KCTD8: variants seen among roughly 807,000 people sequenced by gnomAD.
The protein encoded by KCTD8 is BTB/POZ domain-containing protein KCTD8.
In KCTD8, 27 loss-of-function variants were observed where a neutral mutation model predicts 31.5. The observed-to-expected ratio is 0.86, with a 90% CI of 0.63 to 1.18. The LOEUF is 1.18. Among genes scored for constraint, KCTD8 ranks in the 50% most tolerant of loss-of-function variants. The pLI, the probability that KCTD8 is intolerant of heterozygous loss-of-function variation, is 0.00. For synonymous variants in KCTD8, 290 were observed against 280.0 expected, an observed-to-expected ratio of 1.04 and a Z score of -0.36; for missense variants, 658 against 647.7, an observed-to-expected ratio of 1.02 and a Z score of -0.17.
intron 1 of KCTD8, among the ~76,000 whole-genome samples, chr4:44,288,556 T>C (rs934444112): frequency 4.6e-5 from 7 of 152,084 alleles, no homozygotes; most frequent in African/African-American, 1.7e-4. Flanking sequence ...AGTAGATACT[T>C]TGCATAGTTG....
At chr4:44,337,629 G>T (rs894837841) in intron 1 of KCTD8, among the ~76,000 whole-genome samples, 1 of 149,212 alleles carries the variant, frequency 6.7e-6, no homozygotes, top group Non-Finnish European at 1.5e-5. Context: ...AGCCGAGATT[G>T]CACCACTGCA....
At chr4:44,267,381 A>G (rs1716413302) in intron 1 of KCTD8, among the ~76,000 whole-genome samples, 1 of 152,230 alleles carries the variant, frequency 6.6e-6, no homozygotes, top group Non-Finnish European at 1.5e-5. Context: ...AATCTCTGGG[A>G]CGCATTCAAG....
At chr4:44,427,794 G>A (rs1426955345) in intron 1 of KCTD8, among the ~76,000 whole-genome samples, 1 of 151,690 alleles carries the variant, frequency 6.6e-6, no homozygotes, top group African/African-American at 2.4e-5. Context: ...AAGTCAAAGT[G>A]ATGAGTAATG....
intron 1 of KCTD8, among the ~76,000 whole-genome samples, chr4:44,281,264 G>C (rs545816257): frequency 5.9e-5 from 9 of 152,028 alleles, no homozygotes; most frequent in Non-Finnish European, 1.0e-4. Context: ...CACATTCCTG[G>C]TTGTTGAGTC....
At chr4:44,426,771 G>A (rs17461197) in intron 1 of KCTD8, among the ~76,000 whole-genome samples, 12,115 of 151,728 alleles carry the variant, frequency 0.08, 585 homozygotes, top group Non-Finnish European at 0.11. Flanking sequence ...TAACCATCAT[G>A]AAACAAATAA....
At position 44,364,490 on chromosome 4, in the gene KCTD8, G is replaced by C. The variant is rs567737603; in HGVS notation, c.961+83073C>G. ...TCATTTTTGATGAAAGTGCAAAATT[G>C]TACAGCCCTTTGGAAAACAGTCTGA... On this transcript the variant is annotated intron_variant, in intron 1 of 1. Transcript: ENST00000360029. Among the ~76,000 whole-genome samples the C allele has an allele frequency of 5.9e-5, 9 of 152,208 alleles. No homozygotes were observed. The South Asian group carries it at 1.7e-3, about 28-fold the overall frequency.
chr4:44,321,366 G>A (rs568307251), intron 1 of KCTD8, among the ~76,000 whole-genome samples: 8 of 152,252 alleles, frequency 5.3e-5, no homozygotes, highest in African/African-American at 1.9e-4. Flanking sequence ...TTCAAATTAA[G>A]ACTTACTGTG....
At chr4:44,406,893 T>A (rs1295571018) in intron 1 of KCTD8, among the ~76,000 whole-genome samples, 1 of 152,224 alleles carries the variant, frequency 6.6e-6, no homozygotes, top group African/African-American at 2.4e-5. Flanking sequence ...AAACTTCAAA[T>A]CGGATATGTA....
chr4:44,362,874 G>C (rs1295791482), intron 1 of KCTD8, among the ~76,000 whole-genome samples: 1 of 151,112 alleles, frequency 6.6e-6, no homozygotes, highest in Non-Finnish European at 1.5e-5. Context: ...TCAGTGATTA[G>C]AAATATAATT....
At chr4:44,357,014 C>T (rs1033949164) in intron 1 of KCTD8, among the ~76,000 whole-genome samples, 27 of 151,994 alleles carry the variant, frequency 1.8e-4, no homozygotes, top group African/African-American at 6.3e-4. Context: ...AGACTATCCT[C>T]CTTTGTAAGA....
At chr4:44,381,413 A>T (rs943575790) in intron 1 of KCTD8, among the ~76,000 whole-genome samples, 1 of 152,238 alleles carries the variant, frequency 6.6e-6, no homozygotes, top group South Asian at 2.1e-4. Context: ...GTAGCATCAA[A>T]TATAATAAAA....
intron 1 of KCTD8, among the ~76,000 whole-genome samples, chr4:44,422,093 C>G (rs966315253): frequency 2.0e-5 from 3 of 152,140 alleles, no homozygotes; most frequent in Middle Eastern, 3.4e-3. Flanking sequence ...GAAATAGAAT[C>G]ATACTTGGCA....
At position 44,182,108 on chromosome 4, in the gene KCTD8, T is replaced by C. The variant is rs562286525; in HGVS notation, c.962-6858A>G. On this transcript the variant is annotated intron_variant, in intron 1 of 1. Coordinates refer to ENST00000360029, the MANE Select transcript of KCTD8 (RefSeq NM_198353.3). ...GCCCCTCCGCCCGACAGCCGCCCCG[T>C]CCGGGAGGAAGGTGGGGGGTCAGCC... Among the ~76,000 whole-genome samples, 14 of 149,866 alleles carry C rather than the reference T, an allele frequency of 9.3e-5. No homozygotes were observed. The South Asian group carries it at 2.8e-3, about 30-fold the overall frequency.
chr4:44,417,187 C>A (rs1721096597), intron 1 of KCTD8, among the ~76,000 whole-genome samples: 1 of 152,194 alleles, frequency 6.6e-6, no homozygotes, highest in Non-Finnish European at 1.5e-5. Flanking sequence ...GCTTTAAGTA[C>A]TTCTGGCTTT....
At chr4:44,235,577 TTAGAGAGAGAGAG>T (rs1715266180) in intron 1 of KCTD8, among the ~76,000 whole-genome samples, 4 of 38,920 alleles carry the variant, frequency 1.0e-4, no homozygotes, top group Non-Finnish European at 2.0e-4. Flanking sequence ...ATATATATAT[TTAGAGAGAGAGAG>T]AGAGAGAGAG....
chr4:44,320,702 T>C (rs1440858114), intron 1 of KCTD8, among the ~76,000 whole-genome samples: 2 of 152,000 alleles, frequency 1.3e-5, no homozygotes, highest in Non-Finnish European at 2.9e-5. Flanking sequence ...AGTAAAGCAG[T>C]AGCTGTGTTT....
intron 1 of KCTD8, among the ~76,000 whole-genome samples, chr4:44,292,225 C>T (rs572734538): frequency 3.6e-4 from 55 of 152,060 alleles, no homozygotes; most frequent in Admixed American, 1.0e-3. Flanking sequence ...AATTGACCTA[C>T]GTGCCCATCG....
intron 1 of KCTD8, among the ~76,000 whole-genome samples, chr4:44,205,783 G>C (rs1297356422): frequency 6.6e-6 from 1 of 152,172 alleles, no homozygotes; most frequent in Non-Finnish European, 1.5e-5. Flanking sequence ...AAAATCATTG[G>C]AAGACTTGGG....
Position 44,181,220 on chromosome 4 carries a change from TTTCCACGGTCTCCCTCTCC to T in KCTD8, c.962-5989_962-5971del, listed in dbSNP as rs1560387560. ...TTTCCACGGTCTCCCTCTCCCTCTC[TTTCCACGGTCTCCCTCTCC>T]CTCTCTTTCCACGGTCTCCCTCTCC... is the stretch of plus-strand genomic sequence containing the variant. On this transcript the variant is annotated intron_variant, in intron 1 of 1. Coordinates refer to ENST00000360029, the MANE Select transcript of KCTD8 (RefSeq NM_198353.3). Among the ~76,000 whole-genome samples the T allele has an allele frequency of 5.1e-4, 51 of 100,562 alleles. 1 individual carries two copies. Among genetic ancestry groups the T allele is most frequent in the African/African-American group, 2.0e-3 (50 of 25,310 alleles). 66.0% of individuals were successfully genotyped at this position (100,562 alleles called of 152,430 possible).
Sources: allele counts gnomAD v4.1 joint callset (sites outside exome capture counted in the v4.1 genomes callset), GRCh38; gene constraint gnomAD v4.1.1; transcripts MANE v1.5; gene names NCBI Gene and HGNC (gene_info 2026-07-23, HGNC 2026-07-21).